Variants in FAM149B1 observed in about 807,000 individuals in gnomAD.
FAM149B1 encodes the protein family with sequence similarity 149 member B1.
A neutral mutation model predicts 75.3 loss-of-function variants in FAM149B1; 56 were observed. The observed-to-expected ratio is 0.74, with a 90% CI of 0.60 to 0.93. The LOEUF is 0.93. FAM149B1 is among the 40% of genes least tolerant of loss of function. The pLI is 0.00. For synonymous variants in FAM149B1, 259 were observed against 256.1 expected (o/e 1.01, Z -0.11); for missense variants, 639 against 708.4 (o/e 0.90, Z 1.11).
chr10:73,188,840 A>G (rs1487946468), intron 3 of FAM149B1, among the ~76,000 whole-genome samples: 5 of 151,526 alleles, frequency 3.3e-5, no homozygotes, highest in African/African-American at 9.7e-5. Context: ...GGGAGAGAAT[A>G]TTTCCAATAT....
chr10:73,216,640 A>G (rs551444711), intron 7 of FAM149B1, among the ~76,000 whole-genome samples: 1 of 152,282 alleles, frequency 6.6e-6, no homozygotes, highest in South Asian at 2.1e-4. Flanking sequence ...GTCTCACAGC[A>G]GCCTATACCA....
In FAM149B1 at chr10:73,242,111, T is replaced by C. The variant is rs903043592; in HGVS notation, c.*1092T>C. The C allele has an allele frequency of 6.6e-6, 1 of 152,238 alleles. No homozygotes were observed. Among genetic ancestry groups the C allele is most frequent in the African/African-American group, 2.4e-5 (1 of 41,470 alleles). The allele number at this position is 152,238 out of a possible 1,614,324, so 9.4% of individuals were successfully genotyped here. A position where few individuals can be genotyped will look rare whatever the true frequency, so the allele number is the denominator to read the frequency against. ...ACCAAGGTGTTCTAATGCCATCATA[T>C]GAAGACAGATGCTTCAAACAACCTG... is the stretch of plus-strand genomic sequence containing the variant. On this transcript the variant is annotated 3_prime_UTR_variant, in exon 14 of 14. Coordinates refer to ENST00000242505, the MANE Select transcript of FAM149B1 (RefSeq NM_173348.2).
chr10:73,222,267 G>A (rs2043434497), intron 7 of FAM149B1, among the ~76,000 whole-genome samples: 1 of 152,160 alleles, frequency 6.6e-6, no homozygotes, highest in African/African-American at 2.4e-5. Flanking sequence ...TGTTAGGTCT[G>A]GAGCAATGTT....
chr10:73,187,233 G>A (rs1204182196), intron 3 of FAM149B1, among the ~76,000 whole-genome samples: 2 of 151,886 alleles, frequency 1.3e-5, no homozygotes, highest in East Asian at 3.9e-4. Flanking sequence ...AAAATTCCTT[G>A]TTCATGAATT....
chr10:73,233,219 T>A (rs2043751527), intron 10 of FAM149B1, 56 bp downstream of exon 10: 2 of 1,193,312 alleles, frequency 1.7e-6, no homozygotes, highest in South Asian at 1.3e-5. Context: ...ACATTTTACA[T>A]ACAGAATTAA....
At chr10:73,215,548 T>C (rs187707753) in intron 7 of FAM149B1, among the ~76,000 whole-genome samples, 1 of 152,302 alleles carries the variant, frequency 6.6e-6, no homozygotes, top group African/African-American at 2.4e-5. Flanking sequence ...GATATAAGCA[T>C]TTATTGCTAT....
intron 5 of FAM149B1, among the ~76,000 whole-genome samples, chr10:73,207,695 C>T (rs1333136025): frequency 2.6e-5 from 4 of 152,190 alleles, no homozygotes; most frequent in East Asian, 1.9e-4. Context: ...GGAAGCCTAC[C>T]GCTTGCACCT....
intron 2 of FAM149B1, among the ~76,000 whole-genome samples, chr10:73,176,926 C>G (rs886735960): frequency 6.6e-6 from 1 of 152,078 alleles, no homozygotes; most frequent in Non-Finnish European, 1.5e-5. Flanking sequence ...ACCAAGGAGG[C>G]TGAGGCAGGA....
At chr10:73,179,057 C>T (rs1449307764) in intron 3 of FAM149B1, among the ~76,000 whole-genome samples, 9 of 152,010 alleles carry the variant, frequency 5.9e-5, no homozygotes, top group African/African-American at 9.7e-5. Flanking sequence ...CTCTGCCTCC[C>T]GGGTTCAAGC....
chr10:73,210,067 C>CT (rs772590115), intron 6 of FAM149B1, among the ~76,000 whole-genome samples, 184 bp from the exon 7 acceptor site: 19 of 152,212 alleles, frequency 1.2e-4, no homozygotes, highest in Non-Finnish European at 2.5e-4. Flanking sequence ...CCTTCCCTTT[C>CT]ACTTCTCCTG....
intron 3 of FAM149B1, among the ~76,000 whole-genome samples, chr10:73,179,982 T>C (rs772741765): frequency 6.6e-6 from 1 of 152,220 alleles, no homozygotes; most frequent in Non-Finnish European, 1.5e-5. Flanking sequence ...AAATATTTAT[T>C]GAGCATGGTT....
chr10:73,174,794 A>G lies in FAM149B1; in HGVS notation c.152+3A>G, dbSNP rs1389576583. The G allele has an allele frequency of 6.5e-7, 1 of 1,533,480 alleles. No individual in the cohort carries two copies. The highest frequency in any genetic ancestry group is 8.8e-7 in the Non-Finnish European group (1 of 1,130,468). 95.0% of individuals were successfully genotyped at this position (1,533,480 alleles called of 1,614,324 possible). On this transcript the variant is annotated splice_donor_region_variant and intron_variant, in intron 2 of 13. Transcript: ENST00000242505. ...GAGAAAGACACAAGTTCCCAAAGGT[A>G]ATAACACAAAGTGTACTTGTTTACT...
chr10:73,230,294 A>C, intron 8 of FAM149B1, 128 bp from the exon 9 acceptor site: 1 of 603,894 alleles, frequency 1.7e-6, no homozygotes, highest in African/African-American at 1.9e-5. Flanking sequence ...CCAAGATGTT[A>C]TAAAAATTAA....
chr10:73,187,173 A>C (rs1362070888), intron 3 of FAM149B1, among the ~76,000 whole-genome samples: 1 of 152,140 alleles, frequency 6.6e-6, no homozygotes, highest in Non-Finnish European at 1.5e-5. Context: ...GTACATTGGA[A>C]ATTTCAAAAC....
At chr10:73,220,698 T>C (rs2043392764) in intron 7 of FAM149B1, among the ~76,000 whole-genome samples, 1 of 152,152 alleles carries the variant, frequency 6.6e-6, no homozygotes, top group Admixed American at 6.5e-5. Flanking sequence ...CCAATAGGGC[T>C]GGTGTCCTTG....
intron 7 of FAM149B1, among the ~76,000 whole-genome samples, chr10:73,213,774 T>A (rs1344595620): frequency 6.6e-6 from 1 of 152,226 alleles, no homozygotes; most frequent in Non-Finnish European, 1.5e-5. Flanking sequence ...AGCTTTGTCC[T>A]TTTTACTTAG....
At chr10:73,168,768 A>C (rs1056728185) in intron 1 of FAM149B1, 17 of 192,436 alleles carry the variant, frequency 8.8e-5, no homozygotes, top group Non-Finnish European at 1.4e-4. Flanking sequence ...CAATGATATC[A>C]GATTGGGAAC....
chr10:73,205,367 C>A (rs537433993), intron 5 of FAM149B1, among the ~76,000 whole-genome samples: 1 of 151,974 alleles, frequency 6.6e-6, no homozygotes, highest in Admixed American at 6.6e-5. Context: ...TTCTTCTGCT[C>A]TGGTCGTGTG....
At chr10:73,208,357 A>G (rs1467255085) in intron 5 of FAM149B1, among the ~76,000 whole-genome samples, 1 of 152,224 alleles carries the variant, frequency 6.6e-6, no homozygotes, top group East Asian at 1.9e-4. Context: ...GGCAAGGATG[A>G]CCTAATACAT....
Sources: gnomAD v4.1 joint callset for allele counts (sites outside exome capture counted in the v4.1 genomes callset) on GRCh38, gnomAD v4.1.1 for gene constraint, MANE v1.5 for transcripts, NCBI Gene and HGNC (gene_info 2026-07-23, HGNC 2026-07-21) for gene names.